Variants in TMEM128 observed in about 807,000 individuals in gnomAD.
TMEM128 encodes the protein transmembrane protein 128.
TMEM128 carries 16 observed loss-of-function variants against 19.7 expected under a neutral mutation model. That is an observed-to-expected ratio of 0.81 (90% CI 0.55 to 1.23). The LOEUF (loss-of-function observed/expected upper bound fraction) is 1.23. TMEM128 is among the 50% of genes most tolerant of loss of function. The probability of loss-of-function intolerance (pLI) is 0.00; values close to 1 mark genes in which losing one functional copy is unlikely to be tolerated. For missense variants in TMEM128, 237 were observed against 200.8 expected (o/e 1.18, Z -1.09); for synonymous variants, 98 against 75.8 (o/e 1.29, Z -1.52).
At chr4:4,247,425 A>G (rs2108823910) in intron 1 of TMEM128, among the ~76,000 whole-genome samples, 1 of 152,286 alleles carries the variant, frequency 6.6e-6, no homozygotes, top group South Asian at 2.1e-4. Flanking sequence ...TTTAATTTTA[A>G]AAGGTAATAA....
rs1180649024 is a variant in TMEM128 at position 4,235,763 on chromosome 4, A to C, written c.*503T>G. The C allele has an allele frequency of 3.3e-4, 50 of 152,640 alleles. No individual in the cohort carries two copies. The highest frequency in any genetic ancestry group is 1.5e-4 in the Non-Finnish European group (10 of 68,036). The allele number at this position is 152,640 out of a possible 1,614,324, so 9.5% of individuals were successfully genotyped here. A position where few individuals can be genotyped will look rare whatever the true frequency, so the allele number is the denominator to read the frequency against. ...TACTAAAGCTGGTTAAAGGCACATGACAACATAATTCCTTTATACACATCC... is the reference window on the plus strand; with the variant it reads ...TACTAAAGCTGGTTAAAGGCACATGCCAACATAATTCCTTTATACACATCC... On this transcript the variant is annotated 3_prime_UTR_variant, in exon 5 of 5. Transcript: ENST00000382753.
rs1214332354 is a variant in TMEM128, at chr4:4,248,184, G to T, written c.19C>A (p.Arg7=). 7 of 1,526,388 alleles carry T rather than the reference G, an allele frequency of 4.6e-6. No homozygotes were observed. The Admixed American group carries it at 8.1e-5, about 18-fold the overall frequency. The allele number at this position is 1,526,388 out of a possible 1,614,324, so 94.6% of individuals were successfully genotyped here. A position where few individuals can be genotyped will look rare whatever the true frequency, so the allele number is the denominator to read the frequency against. Residue 7 remains arginine, a synonymous_variant, in exon 1 of 5, where the codon CGG becomes AGG. Coordinates refer to ENST00000382753, the MANE Select transcript of TMEM128 (RefSeq NM_001297551.2). MDSSRA[R]QQLRRRFLLL... ...AGGAATCGCCGCCGGAGCTGCTGCC[G>T]GGCCCGCGAGGAGTCCATCTTGGTA...
chr4:4,241,070 G>C (rs1717938976), intron 2 of TMEM128, among the ~76,000 whole-genome samples: 2 of 152,252 alleles, frequency 1.3e-5, no homozygotes, highest in African/African-American at 4.8e-5. Flanking sequence ...TGGGCAACAA[G>C]AGTGAAACTC....
chr4:4,242,979 C>T (rs1202272974), intron 2 of TMEM128, among the ~76,000 whole-genome samples: 1 of 152,186 alleles, frequency 6.6e-6, no homozygotes, highest in African/African-American at 2.4e-5. Flanking sequence ...TTTAATTTTA[C>T]TTTCTGTCTT....
Position 4,241,628 on chromosome 4 carries a change from G to A in TMEM128, c.240-1149C>T, listed in dbSNP as rs1043430146. ...TCCGGATTCCATGAAGGCTTTTTAC[G>A]ATGATGCAATTCTGAGATTCGGAGT... On this transcript the variant is annotated intron_variant, in intron 2 of 4. Transcript: ENST00000382753. 3.3e-5 allele frequency among the ~76,000 whole-genome samples: 5 copies of A among 152,292 alleles called. No homozygotes were observed. The East Asian group carries it at 9.7e-4, about 29-fold the overall frequency.
chr4:4,245,075 A>G (rs2108821316), intron 2 of TMEM128, among the ~76,000 whole-genome samples: 1 of 152,212 alleles, frequency 6.6e-6, no homozygotes, highest in South Asian at 2.1e-4. Flanking sequence ...CGAGGGGACC[A>G]CAGTCCTGTC....
At chr4:4,238,382 T>G (rs1717810540) in intron 3 of TMEM128, among the ~76,000 whole-genome samples, 1 of 152,206 alleles carries the variant, frequency 6.6e-6, no homozygotes, top group Admixed American at 6.5e-5. Flanking sequence ...AAAACACTAT[T>G]CCTGTCATCA....
chr4:4,243,230 C>T (rs971534496), intron 2 of TMEM128, among the ~76,000 whole-genome samples: 3 of 152,192 alleles, frequency 2.0e-5, no homozygotes, highest in Non-Finnish European at 2.9e-5. Context: ...CAGGCGCCCG[C>T]CACCATGCCC....
At chr4:4,240,740 A>T (rs1717920323) in intron 2 of TMEM128, among the ~76,000 whole-genome samples, 1 of 152,218 alleles carries the variant, frequency 6.6e-6, no homozygotes, top group Non-Finnish European at 1.5e-5. Flanking sequence ...TCAGCCAACC[A>T]ACCAAGGGAA....
intron 4 of TMEM128, 35 bp downstream of exon 4, chr4:4,237,792 G>C (rs774007526): frequency 2.1e-6 from 3 of 1,408,316 alleles, no homozygotes; most frequent in Non-Finnish European, 3.0e-6. Flanking sequence ...TTTCAAACGA[G>C]TTCATTTTTA....
chr4:4,240,291 T>C (rs1337200961), intron 3 of TMEM128, 30 bp downstream of exon 3: 1 of 1,608,862 alleles, frequency 6.2e-7, no homozygotes, highest in African/African-American at 1.3e-5. Flanking sequence ...TTGTTGTTCA[T>C]TCCTGTTAGT....
intron 2 of TMEM128, 56 bp downstream of exon 2, chr4:4,246,145 AT>A: frequency 1.9e-6 from 3 of 1,544,884 alleles, no homozygotes; most frequent in Non-Finnish European, 1.7e-6. Flanking sequence ...AACTAACAAA[AT>A]ATAACACGAA....
intron 2 of TMEM128, among the ~76,000 whole-genome samples, chr4:4,240,707 A>T (rs1717919105): frequency 6.6e-6 from 1 of 152,246 alleles, no homozygotes; most frequent in South Asian, 2.1e-4. Context: ...CTTGAAATAC[A>T]TGCATTTATA....
intron 3 of TMEM128, among the ~76,000 whole-genome samples, chr4:4,238,979 G>T (rs1334853679): frequency 2.0e-5 from 3 of 152,160 alleles, no homozygotes; most frequent in Non-Finnish European, 4.4e-5. Flanking sequence ...CGAGGCTGCA[G>T]TGAGCTGTGA....
chr4:4,242,455 C>G, intron 2 of TMEM128, among the ~76,000 whole-genome samples: 1 of 151,810 alleles, frequency 6.6e-6, no homozygotes, highest in African/African-American at 2.4e-5. Flanking sequence ...GGCCTTTTAT[C>G]ATTACCCCTA....
rs1577201686 is a variant in TMEM128, at chr4:4,248,206, G to A, written c.-4C>T. Reference sequence around the variant, plus strand: ...GCCGGGCCCGCGAGGAGTCCATCTTGGTACCGCCCCGAAATGCGACGGAAG... The same window carrying A: ...GCCGGGCCCGCGAGGAGTCCATCTTAGTACCGCCCCGAAATGCGACGGAAG... On this transcript the variant is annotated 5_prime_UTR_variant, in exon 1 of 5. Coordinates refer to ENST00000382753, the MANE Select transcript of TMEM128 (RefSeq NM_001297551.2). 6.7e-7 allele frequency: 1 copy of A among 1,501,210 alleles called. No homozygotes were observed. Among genetic ancestry groups the A allele is most frequent in the South Asian group, 1.2e-5 (1 of 80,748 alleles). 93.0% of individuals were successfully genotyped at this position (1,501,210 alleles called of 1,614,324 possible).
In TMEM128 at chr4:4,237,039, C is replaced by G. The variant is rs1212130691; in HGVS notation, c.*10-783G>C. ...AGTTATCCGACACTCAGAAAACAGC[C>G]TCCACTGTGTAAGGCAGCAGATCTC... is the stretch of plus-strand genomic sequence containing the variant. On this transcript the variant is annotated intron_variant, in intron 4 of 4. Coordinates refer to ENST00000382753, the MANE Select transcript of TMEM128 (RefSeq NM_001297551.2). 9 of 451,248 alleles carry G rather than the reference C, an allele frequency of 2.0e-5. No homozygotes were observed. In the East Asian group the frequency reaches 6.3e-4, roughly 32 times the overall value. 28.0% of individuals were successfully genotyped at this position (451,248 alleles called of 1,614,324 possible).
intron 1 of TMEM128, chr4:4,247,530 C>G: frequency 1.2e-6 from 2 of 1,609,094 alleles, no homozygotes; most frequent in Non-Finnish European, 1.7e-6. Flanking sequence ...CAGAAGCAAC[C>G]ACCACTTACA....
rs1344320034 is a variant in TMEM128 at position 4,246,216 on chromosome 4, G to C, written c.225C>G (p.Asn75Lys). 9.4e-6 allele frequency: 15 copies of C among 1,597,562 alleles called. No individual in the cohort carries two copies. The highest frequency in any genetic ancestry group is 1.3e-5 in the Non-Finnish European group (15 of 1,174,862). ...AATTTTCTTACCTGCTAGTGTGGAA[G>C]TTTTCTTTAAGGGTTTTAAAGAAGT... is the stretch of plus-strand genomic sequence containing the variant. ...YVDFFKTLKE[N>K]FHTSSWFLCG... Residue 75 changes from asparagine to lysine, a missense_variant, in exon 2 of 5, where the codon AAC (asparagine) becomes AAG (lysine). By Grantham distance (94) the Asn-to-Lys change is moderately conservative (BLOSUM62 0). Transcript: ENST00000382753.
Sources: allele counts gnomAD v4.1 joint callset (sites outside exome capture counted in the v4.1 genomes callset), GRCh38; gene constraint gnomAD v4.1.1; transcripts MANE v1.5; gene names NCBI Gene and HGNC (gene_info 2026-07-23, HGNC 2026-07-21).